The following RALGPS1 variants were observed in gnomAD, a reference collection of about 807,000 sequenced individuals.
RALGPS1 encodes the protein Ral GEF with PH domain and SH3 binding motif 1.
Under a neutral mutation model 78.8 loss-of-function variants are expected in RALGPS1, and 19 were observed. That is an observed-to-expected ratio of 0.24 (90% CI 0.17 to 0.35). The LOEUF (loss-of-function observed/expected upper bound fraction) is 0.35, where lower values mean the gene tolerates loss of function less well. Among genes scored for constraint, RALGPS1 ranks in the 10% least tolerant of loss-of-function variants. RALGPS1 has a pLI of 1.00. For synonymous variants in RALGPS1, 228 were observed against 256.3 expected, an observed-to-expected ratio of 0.89 and a Z score of 1.06; for missense variants, 454 against 688.3, an observed-to-expected ratio of 0.66 and a Z score of 3.81.
At chr9:127,210,818 CTTGT>C in intron 14 of RALGPS1, 2 of 1,497,686 alleles carry the variant, frequency 1.3e-6, no homozygotes, top group Non-Finnish European at 1.8e-6. Context: ...TGACACATAG[CTTGT>C]TATGTGGCCT....
chr9:127,043,269 C>T (rs577690600), intron 5 of RALGPS1, among the ~76,000 whole-genome samples: 1 of 152,164 alleles, frequency 6.6e-6, no homozygotes, highest in East Asian at 1.9e-4. Flanking sequence ...AAGAATTGGC[C>T]CCATAGGTCG....
intron 1 of RALGPS1, among the ~76,000 whole-genome samples, chr9:126,936,544 T>C (rs75621495): frequency 5.3e-5 from 8 of 152,234 alleles, no homozygotes; most frequent in Non-Finnish European, 1.2e-4. Context: ...TTTTTTTTTT[T>C]CCAAAGGAAA....
intron 14 of RALGPS1, chr9:127,210,727 A>G: frequency 6.4e-7 from 1 of 1,550,678 alleles, no homozygotes; most frequent in Non-Finnish European, 8.7e-7. Flanking sequence ...CTGGGGCCCA[A>G]CTGGCGGGTT....
chr9:127,023,429 C>T (rs1306151751), intron 4 of RALGPS1, among the ~76,000 whole-genome samples: 2 of 152,144 alleles, frequency 1.3e-5, no homozygotes, highest in African/African-American at 2.4e-5. Flanking sequence ...TATTCCTCCT[C>T]CTCCCTTCTT....
intron 4 of RALGPS1, among the ~76,000 whole-genome samples, chr9:127,001,286 C>CA (rs58413062): frequency 0.023 from 2,196 of 97,312 alleles, 49 homozygotes; most frequent in Non-Finnish European, 0.026. Context: ...GACTCTGTCT[C>CA]AAAAAAAAAA....
chr9:127,210,647 T>C, intron 14 of RALGPS1: 1 of 1,413,716 alleles, frequency 7.1e-7, no homozygotes, highest in Non-Finnish European at 9.8e-7. Flanking sequence ...TTCAGGAGCA[T>C]CTGGTCTTTC....
At chr9:127,217,284 T>C in intron 18 of RALGPS1, 3 of 1,127,332 alleles carry the variant, frequency 2.7e-6, no homozygotes, top group Non-Finnish European at 3.3e-6. Flanking sequence ...CTAATTTACT[T>C]TCAACCAAAT....
intron 1 of RALGPS1, among the ~76,000 whole-genome samples, chr9:126,945,233 C>T (rs2037147564): frequency 6.6e-6 from 1 of 152,172 alleles, no homozygotes; most frequent in Non-Finnish European, 1.5e-5. Flanking sequence ...GAGTCTCACT[C>T]TGTCACCCAG....
intron 3 of RALGPS1, among the ~76,000 whole-genome samples, chr9:126,971,373 T>A (rs1237093810): frequency 6.6e-6 from 1 of 152,042 alleles, no homozygotes; most frequent in Non-Finnish European, 1.5e-5. Context: ...CATATTTTTT[T>A]TTTTACAAAC....
At chr9:127,049,658 CTCCA>C (rs2048126970) in intron 5 of RALGPS1, among the ~76,000 whole-genome samples, 1 of 152,200 alleles carries the variant, frequency 6.6e-6, no homozygotes, top group South Asian at 2.1e-4. Context: ...CCATCTGTCC[CTCCA>C]TCCACCCATC....
chr9:127,195,016 A>T, intron 11 of RALGPS1, 75 bp from the exon 12 acceptor site: 1 of 1,566,738 alleles, frequency 6.4e-7, no homozygotes, highest in African/African-American at 1.4e-5. Flanking sequence ...CCACCTCCAC[A>T]CCTCAACCCA....
chr9:127,197,307 C>G (rs547879175), intron 13 of RALGPS1, among the ~76,000 whole-genome samples: 1 of 152,146 alleles, frequency 6.6e-6, no homozygotes, highest in Non-Finnish European at 1.5e-5. Flanking sequence ...GGGCACCGCC[C>G]TGTTATTACT....
chr9:126,919,452 C>T (rs1235403869), intron 1 of RALGPS1, among the ~76,000 whole-genome samples: 1 of 152,182 alleles, frequency 6.6e-6, no homozygotes, highest in East Asian at 1.9e-4. Flanking sequence ...GAGATTTGTT[C>T]ACTGGTAATT....
At chr9:127,113,468 A>T (rs2137324013) in intron 8 of RALGPS1, among the ~76,000 whole-genome samples, 1 of 149,110 alleles carries the variant, frequency 6.7e-6, no homozygotes. Flanking sequence ...CTTGATATTT[A>T]TTCAACTCAT....
chr9:127,018,651 A>G (rs1377030990), intron 4 of RALGPS1, among the ~76,000 whole-genome samples: 2 of 76,568 alleles, frequency 2.6e-5, no homozygotes, highest in Non-Finnish European at 5.5e-5. Context: ...AATGATGATA[A>G]TAATAATAAT....
intron 1 of RALGPS1, among the ~76,000 whole-genome samples, chr9:126,939,085 G>C (rs539244576): frequency 6.6e-6 from 1 of 152,192 alleles, no homozygotes; most frequent in East Asian, 1.9e-4. Flanking sequence ...AGTGGGAGAG[G>C]GGGGCAGAGG....
chr9:127,137,388 A>T (rs185208001), intron 8 of RALGPS1, among the ~76,000 whole-genome samples: 1 of 152,344 alleles, frequency 6.6e-6, no homozygotes, highest in East Asian at 1.9e-4. Flanking sequence ...ATGACACCAC[A>T]GCTGCCTGTA....
chr9:127,121,525 C>G (rs7045907), intron 8 of RALGPS1, among the ~76,000 whole-genome samples: 2,580 of 152,308 alleles, frequency 0.017, 85 homozygotes, highest in African/African-American at 0.059. Context: ...AAGAGCTGAC[C>G]CATGACACAC....
intron 5 of RALGPS1, among the ~76,000 whole-genome samples, chr9:127,045,752 CACACACACAT>C (rs1365456868): frequency 0.012 from 1,068 of 89,816 alleles, 3 homozygotes; most frequent in Non-Finnish European, 0.013. Context: ...CACACACACA[CACACACACAT>C]ACACACACAC....
Sources: allele counts gnomAD v4.1 joint callset (sites outside exome capture counted in the v4.1 genomes callset), GRCh38; gene constraint gnomAD v4.1.1; transcripts MANE v1.5; gene names NCBI Gene and HGNC (gene_info 2026-07-23, HGNC 2026-07-21).